Variants in TNS1 observed in about 807,000 individuals in gnomAD.
TNS1 encodes the protein tensin 1.
Under a neutral mutation model 168.6 loss-of-function variants are expected in TNS1, and 62 were observed. The observed-to-expected ratio is 0.37, with a 90% confidence interval of 0.30 to 0.45. The LOEUF is 0.45. Ranked by LOEUF, TNS1 falls within the 20% of genes least tolerant of loss-of-function variation. The pLI, the probability that TNS1 is intolerant of heterozygous loss-of-function variation, is 1.00. For missense variants in TNS1, 2,240 were observed against 2,339.4 expected, an observed-to-expected ratio of 0.96 and a Z score of 0.88; for synonymous variants, 934 against 933.2, an observed-to-expected ratio of 1.00 and a Z score of -0.02.
intron 6 of TNS1, among the ~76,000 whole-genome samples, chr2:217,905,736 G>A (rs1953596609): frequency 6.6e-6 from 1 of 152,154 alleles, no homozygotes; most frequent in Non-Finnish European, 1.5e-5. Context: ...CCCCGAACGG[G>A]GCTCAAAGCA....
chr2:217,848,572 C>G lies in TNS1; in HGVS notation c.1945G>C (p.Gly649Arg). The change falls in exon 19 of 33, where the codon GGG becomes CGG. Residue 649 changes from glycine (G) to arginine (R), a missense_variant. Around this residue, in one of 2 missense-constraint regions of TNS1, gnomAD observed 2,131 missense variants for 2,171.2 expected, o/e 0.98. Coordinates refer to ENST00000682258, the MANE Select transcript of TNS1 (RefSeq NM_001387777.1). ...CCCCCCTCACTGGTGTTGGTGACCC[C>G]GTCCAGAGAAGAGAGTGTGCCCATG... ...GSMGTLSSLD[G>R]VTNTSEGGYP... 1 of 1,614,172 alleles carries G rather than the reference C, an allele frequency of 6.2e-7. No homozygotes were observed. Among genetic ancestry groups the G allele is most frequent in the Non-Finnish European group, 8.5e-7 (1 of 1,180,006 alleles).
At position 217,818,720 on chromosome 2, in the gene TNS1, G is replaced by C. The variant is rs1367870989; in HGVS notation, c.3612C>G (p.Asp1204Glu). Reference sequence around the variant, plus strand: ...GCTGGGTGGGCGTCCGGGGACCCTGGTCACTGCTCTCTCCCGACGGGAAAC... The same window carrying C: ...GCTGGGTGGGCGTCCGGGGACCCTGCTCACTGCTCTCTCCCGACGGGAAAC... ...VGSFPSGESS[D>E]QGPRTPTQPL... Residue 1204 changes from aspartate to glutamate, a missense_variant, in exon 24 of 33, where the codon GAC becomes GAG. By Grantham distance (45) the Asp-to-Glu change is conservative. This residue lies in a region of TNS1 where 2,131 missense variants were observed against 2,171.2 expected (regional missense o/e 0.98). Transcript: ENST00000682258. The C allele has an allele frequency of 1.2e-6, 2 of 1,613,722 alleles. No homozygotes were observed. The highest frequency in any genetic ancestry group is 1.7e-6 in the Non-Finnish European group (2 of 1,179,966).
At position 217,847,745 on chromosome 2, in the gene TNS1, C is replaced by G. The variant is rs199601582; in HGVS notation, c.2772G>C (p.Gln924His). Reference sequence around the variant, plus strand: ...CCTGGTTAGGCCCAGCCAAACATGGCTGATAGTCATAAGGTGAGTAAGACC... The same window carrying G: ...CCTGGTTAGGCCCAGCCAAACATGGGTGATAGTCATAAGGTGAGTAAGACC... The part of the protein sequence containing the change: ...PGRSYSPYDY[Q>H]PCLAGPNQDF... Residue 924 changes from glutamine to histidine, a missense_variant, in exon 19 of 33, where the codon CAG (glutamine) becomes CAC (histidine). Physicochemically the swap from Gln to His is conservative, Grantham distance 24. This residue lies in a region of TNS1 where 2,131 missense variants were observed against 2,171.2 expected (regional missense o/e 0.98). Coordinates refer to ENST00000682258, the MANE Select transcript of TNS1 (RefSeq NM_001387777.1). 1.2e-4 allele frequency: 189 copies of G among 1,608,798 alleles called. No individual in the cohort carries two copies. The highest frequency in any genetic ancestry group is 6.6e-4 in the Middle Eastern group (4 of 6,078).
intron 19 of TNS1, among the ~76,000 whole-genome samples, chr2:217,844,372 C>T (rs1946370601): frequency 2.0e-5 from 3 of 152,194 alleles, no homozygotes; most frequent in Non-Finnish European, 4.4e-5. Context: ...CATGAAACCA[C>T]AGGAATGGCT....
At chr2:217,991,247 A>C (rs1358419702) in intron 1 of TNS1, among the ~76,000 whole-genome samples, 191 bp from the exon 2 acceptor site, 3 of 152,104 alleles carry the variant, frequency 2.0e-5, no homozygotes, top group Admixed American at 1.3e-4. Flanking sequence ...TCCCAGACTC[A>C]GGTGGGGCCC....
rs529574852 is a variant in TNS1 at position 217,886,896 on chromosome 2, T to C, written c.867-250A>G. On this transcript the variant is annotated intron_variant, in intron 12 of 32. Transcript: ENST00000682258. ...GTCAAGTCAAGCATCCCACTTGGAG[T>C]TCGCCACCGCCCTCTGGTGGTCAAC... Among the ~76,000 whole-genome samples the C allele has an allele frequency of 3.3e-5, 5 of 151,962 alleles. No homozygotes were observed. In the East Asian group the frequency reaches 9.7e-4, roughly 30 times the overall value.
At chr2:217,985,135 A>G (rs1030385596) in intron 2 of TNS1, among the ~76,000 whole-genome samples, 2 of 151,470 alleles carry the variant, frequency 1.3e-5, no homozygotes. Context: ...GACCCAAGAC[A>G]ATTCTTCTTT....
intron 3 of TNS1, among the ~76,000 whole-genome samples, chr2:217,920,666 G>A (rs1955621711): frequency 6.6e-6 from 1 of 151,678 alleles, no homozygotes; most frequent in Non-Finnish European, 1.5e-5. Context: ...TCAGAAAAGG[G>A]AGAGTCACCT....
intron 22 of TNS1, chr2:217,830,501 G>A (rs1387369439): frequency 2.3e-6 from 3 of 1,298,458 alleles, no homozygotes; most frequent in East Asian, 4.9e-5. Context: ...AAGGGCCCAG[G>A]GAGCCCTGTC....
At chr2:217,946,963 T>TCACA (rs1340630921) in intron 3 of TNS1, among the ~76,000 whole-genome samples, 60 of 132,452 alleles carry the variant, frequency 4.5e-4, no homozygotes, top group African/African-American at 1.9e-3. Flanking sequence ...TCTCTCTCTC[T>TCACA]CTCTCTCACA....
rs1163934227 is a variant in TNS1 at position 217,847,614 on chromosome 2, G to T, written c.2903C>A (p.Thr968Asn). 6.4e-7 allele frequency: 1 copy of T among 1,568,204 alleles called. No homozygotes were observed. The highest frequency in any genetic ancestry group is 2.3e-5 in the East Asian group (1 of 44,046). The change falls in exon 19 of 33, where the codon ACT (threonine) becomes AAT (asparagine). Residue 968 changes from threonine to asparagine, a missense_variant. Around this residue, in one of 2 missense-constraint regions of TNS1, gnomAD observed 2,131 missense variants for 2,171.2 expected, o/e 0.98. Transcript: ENST00000682258. ...CTTTGGTGAGAGCAGAGGCTGAGCA[G>T]TGAGGCCAGGGAGAGAGGCTGGGGG... ...QQPPASLPGL[T>N]AQPLLSPKEA...
At chr2:217,998,091 A>G (rs1212885207) in intron 1 of TNS1, among the ~76,000 whole-genome samples, 2 of 152,192 alleles carry the variant, frequency 1.3e-5, no homozygotes, top group Non-Finnish European at 2.9e-5. Flanking sequence ...GTCTCCAAGC[A>G]CCAGGAATCA....
At chr2:217,957,081 G>A (rs1341094542) in intron 3 of TNS1, among the ~76,000 whole-genome samples, 2 of 152,178 alleles carry the variant, frequency 1.3e-5, no homozygotes, top group Non-Finnish European at 2.9e-5. Flanking sequence ...GTAGGACCAC[G>A]GTATGGAGCG....
intron 3 of TNS1, among the ~76,000 whole-genome samples, chr2:217,951,438 G>A (rs903052721): frequency 6.6e-6 from 1 of 152,184 alleles, no homozygotes; most frequent in Non-Finnish European, 1.5e-5. Flanking sequence ...TTCTAATCCT[G>A]CCAGCACCCC....
chr2:218,019,859 T>A (rs1202160050), intron 1 of TNS1, among the ~76,000 whole-genome samples: 3 of 151,954 alleles, frequency 2.0e-5, no homozygotes, highest in Non-Finnish European at 4.4e-5. Flanking sequence ...AACCTCACTA[T>A]CCTGTCAATG....
At chr2:218,019,138 A>T (rs1297150215) in intron 1 of TNS1, among the ~76,000 whole-genome samples, 1 of 152,198 alleles carries the variant, frequency 6.6e-6, no homozygotes, top group Non-Finnish European at 1.5e-5. Context: ...ACAGACACAC[A>T]TAAAGCACAT....
At chr2:217,964,361 A>G (rs1056861228) in intron 3 of TNS1, among the ~76,000 whole-genome samples, 2 of 152,142 alleles carry the variant, frequency 1.3e-5, no homozygotes, top group African/African-American at 2.4e-5. Context: ...AGTGTCAGAG[A>G]TAGTGAGTGT....
At chr2:217,951,515 A>G (rs1428513391) in intron 3 of TNS1, among the ~76,000 whole-genome samples, 2 of 152,136 alleles carry the variant, frequency 1.3e-5, no homozygotes, top group African/African-American at 4.8e-5. Flanking sequence ...GACATCAGCT[A>G]TGTTTGCTAC....
intron 23 of TNS1, among the ~76,000 whole-genome samples, chr2:217,820,568 G>T (rs1339684611): frequency 6.6e-6 from 1 of 152,168 alleles, no homozygotes; most frequent in East Asian, 1.9e-4. Context: ...AGGGGAATTT[G>T]CAGGCTCTGT....
Sources: allele counts gnomAD v4.1 joint callset (sites outside exome capture counted in the v4.1 genomes callset), GRCh38; gene constraint gnomAD v4.1.1; regional missense constraint gnomAD v4.1.1; transcripts MANE v1.5; gene names NCBI Gene and HGNC (gene_info 2026-07-23, HGNC 2026-07-21).